The following SMARCD3 variants were observed in gnomAD, a reference collection of about 807,000 sequenced individuals.
SMARCD3 encodes SWI/SNF related BAF chromatin remodeling complex subunit D3.
A neutral mutation model predicts 58.0 loss-of-function variants in SMARCD3; 14 were observed. That is an observed-to-expected ratio of 0.24 (90% CI 0.16 to 0.38). SMARCD3 has a LOEUF of 0.38. Among genes scored for constraint, SMARCD3 ranks in the 10% least tolerant of loss-of-function variants. SMARCD3 has a pLI of 1.00. For synonymous variants in SMARCD3, 253 were observed against 253.8 expected, an observed-to-expected ratio of 1.00 and a Z score of 0.03; for missense variants, 408 against 636.9, an observed-to-expected ratio of 0.64 and a Z score of 3.87.
intron 2 of SMARCD3, among the ~76,000 whole-genome samples, chr7:151,274,464 G>T (rs908715763): frequency 1.3e-5 from 2 of 152,250 alleles, no homozygotes; most frequent in African/African-American, 4.8e-5. Context: ...CTACAAGCAA[G>T]CAATGGCCCA....
chr7:151,239,232 G>T lies in SMARCD3; in HGVS notation c.1399-76C>A, dbSNP rs982521170. 17 of 1,500,562 alleles carry T rather than the reference G, an allele frequency of 1.1e-5. No homozygotes were observed. The highest frequency in any genetic ancestry group is 1.5e-5 in the Non-Finnish European group (16 of 1,077,240). 93.0% of individuals were successfully genotyped at this position (1,500,562 alleles called of 1,614,324 possible). A position where few individuals can be genotyped will look rare whatever the true frequency, so the allele number is the denominator to read the frequency against. On this transcript the variant is annotated intron_variant, in intron 12 of 12. Coordinates refer to ENST00000262188, the MANE Select transcript of SMARCD3 (RefSeq NM_001003801.2). This position sits in a 1 kb window ranked among gnomAD's most constrained non-coding sequence, Gnocchi z 7.0. ...CAGGACAATCCCACCTACTGACACC[G>T]CCTGCCCTGAAAGAGCATCTGGGAG...
rs114657377 is a variant in SMARCD3, at chr7:151,265,476, G to A, written c.39+9638C>T. Among the ~76,000 whole-genome samples the A allele has an allele frequency of 9.0e-3, 1,371 of 152,334 alleles. 20 individuals carry two copies. The highest frequency in any genetic ancestry group is 0.031 in the African/African-American group (1,300 of 41,580). On this transcript the variant is annotated intron_variant, in intron 2 of 13. Transcript: ENST00000356800. Reference sequence around the variant, plus strand: ...CTGTTGTTTAAGCTGCCAGGTCTGCGGTCCTTTGTTGGGGTGGCCCTAGTG... The same window carrying A: ...CTGTTGTTTAAGCTGCCAGGTCTGCAGTCCTTTGTTGGGGTGGCCCTAGTG...
At chr7:151,259,832 A>T (rs559519091) in intron 2 of SMARCD3, among the ~76,000 whole-genome samples, 2 of 149,118 alleles carry the variant, frequency 1.3e-5, no homozygotes, top group East Asian at 2.0e-4. Context: ...CTGGTTTTGA[A>T]CTCCTGACCT....
In SMARCD3 at chr7:151,245,937, G is replaced by A. The variant is rs1803239468; in HGVS notation, c.79-266C>T. On this transcript the variant is annotated intron_variant, in intron 1 of 12. Coordinates refer to ENST00000262188, the MANE Select transcript of SMARCD3 (RefSeq NM_001003801.2). This position sits in a 1 kb window ranked among gnomAD's most constrained non-coding sequence, Gnocchi z 6.2. ...AGGGCATTGCGAGCCTCGGGGCTGC[G>A]GAAGGTACCGCAAAAATGAATATTA... 2.9e-6 allele frequency: 1 copy of A among 346,442 alleles called. No homozygotes were observed. The allele number at this position is 346,442 out of a possible 1,614,324, so 21.5% of individuals were successfully genotyped here. A position where few individuals can be genotyped will look rare whatever the true frequency, so the allele number is the denominator to read the frequency against.
rs1175730798 is a variant in SMARCD3, at chr7:151,241,510, C to T, written c.921G>A (p.Gly307=). Residue 307 remains glycine (G), a synonymous_variant, in exon 8 of 13, where the codon GGG becomes GGA. Transcript: ENST00000262188. The surrounding 1 kb of genome is among the most constrained non-coding windows in gnomAD (Gnocchi z 5.3). ...QDSHDKEYIN[G]DKYFQQIFDC... The stretch of plus-strand genomic sequence containing the variant: ...AGGTTACCTGCTGGAAATACTTGTC[C>T]CCATTGATGTATTCCTTGTCATGGG... 2.5e-6 allele frequency: 4 copies of T among 1,612,414 alleles called. No homozygotes were observed. Among genetic ancestry groups the T allele is most frequent in the Non-Finnish European group, 3.4e-6 (4 of 1,179,338 alleles).
rs1563647574 is a variant in SMARCD3, at chr7:151,241,430, T to G, written c.939+62A>C. On this transcript the variant is annotated intron_variant, in intron 8 of 12. Coordinates refer to ENST00000262188, the MANE Select transcript of SMARCD3 (RefSeq NM_001003801.2). The surrounding 1 kb of genome is among the most constrained non-coding windows in gnomAD (Gnocchi z 5.3). ...GGGGTGGTAGTTACCTTGGTAGAGG[T>G]ACTTCCCCTGCTGGAGAACTCCGCC... The G allele has an allele frequency of 7.0e-7, 1 of 1,420,410 alleles. No homozygotes were observed. 88.0% of individuals were successfully genotyped at this position (1,420,410 alleles called of 1,614,324 possible).
Position 151,239,873 on chromosome 7 carries a change from G to T in SMARCD3, c.1174-127C>A. On this transcript the variant is annotated intron_variant, in intron 10 of 12. Transcript: ENST00000262188. This position sits in a 1 kb window ranked among gnomAD's most constrained non-coding sequence, Gnocchi z 7.0. ...TGAAGGACAACCCCTCAGAGCCCCT[G>T]ATTTCTCTGAAGTCCCAGGGGAGGA... The T allele has an allele frequency of 9.3e-7, 1 of 1,080,858 alleles. No individual in the cohort carries two copies. The highest frequency in any genetic ancestry group is 1.3e-6 in the Non-Finnish European group (1 of 747,604). The allele number at this position is 1,080,858 out of a possible 1,614,324, so 67.0% of individuals were successfully genotyped here. A position where few individuals can be genotyped will look rare whatever the true frequency, so the allele number is the denominator to read the frequency against.
intron 2 of SMARCD3, among the ~76,000 whole-genome samples, chr7:151,259,619 T>TG (rs58317884): frequency 2.2e-5 from 3 of 137,542 alleles, no homozygotes; most frequent in Non-Finnish European, 3.1e-5. Context: ...TTTTTTTTTT[T>TG]TTTTTTTGAG....
chr7:151,253,462 G>A (rs1368718007), upstream of SMARCD3, among the ~76,000 whole-genome samples: 2 of 152,200 alleles, frequency 1.3e-5, no homozygotes, highest in Non-Finnish European at 2.9e-5. Flanking sequence ...GCATGCGAAG[G>A]TTAGTGGAAT....
chr7:151,253,694 A>G (rs1382985178), upstream of SMARCD3, among the ~76,000 whole-genome samples: 1 of 152,150 alleles, frequency 6.6e-6, no homozygotes, highest in Non-Finnish European at 1.5e-5. Flanking sequence ...CGCTTGTAGC[A>G]GGTCACACAC....
At chr7:151,275,197 G>C (rs1170241710) in exon 2 of SMARCD3, 1 of 1,584,970 alleles carries the variant, frequency 6.3e-7, no homozygotes, top group Admixed American at 1.7e-5. Context: ...GTGCCCCCTC[G>C]GTGCCTGGGC....
At chr7:151,269,309 A>G (rs780753234) in intron 2 of SMARCD3, among the ~76,000 whole-genome samples, 4 of 152,054 alleles carry the variant, frequency 2.6e-5, no homozygotes, top group Non-Finnish European at 5.9e-5. Context: ...CACGGGGGAC[A>G]CCTTCCGACC....
In SMARCD3 at chr7:151,245,907, C is replaced by A. The variant is rs1803237781; in HGVS notation, c.79-236G>T. 2.7e-6 allele frequency: 1 copy of A among 369,576 alleles called. No homozygotes were observed. 22.9% of individuals were successfully genotyped at this position (369,576 alleles called of 1,614,324 possible). On this transcript the variant is annotated intron_variant, in intron 1 of 12. Transcript: ENST00000262188. This position sits in a 1 kb window ranked among gnomAD's most constrained non-coding sequence, Gnocchi z 6.2. Reference sequence around the variant, plus strand: ...CAGGAAGCTAACTGAAGCCAGGCACCGCACAGGGCATTGCGAGCCTCGGGG... The same window carrying A: ...CAGGAAGCTAACTGAAGCCAGGCACAGCACAGGGCATTGCGAGCCTCGGGG...
At chr7:151,251,044 C>A (rs1415361045), upstream of SMARCD3, among the ~76,000 whole-genome samples, 1 of 151,928 alleles carries the variant, frequency 6.6e-6, no homozygotes, top group Non-Finnish European at 1.5e-5. Context: ...ATTGGAGAGA[C>A]CTTTTGGGAA....
At chr7:151,268,502 T>C (rs1426880781) in intron 2 of SMARCD3, among the ~76,000 whole-genome samples, 2 of 152,020 alleles carry the variant, frequency 1.3e-5, no homozygotes, top group Non-Finnish European at 2.9e-5. Flanking sequence ...GCCTCAGTGC[T>C]GGGGGCAAAA....
intron 2 of SMARCD3, among the ~76,000 whole-genome samples, chr7:151,263,352 G>A (rs1362347269): frequency 1.3e-5 from 2 of 152,086 alleles, no homozygotes; most frequent in East Asian, 3.9e-4. Flanking sequence ...CAGCTGGGGA[G>A]GTTGGGGAGA....
upstream of SMARCD3, chr7:151,248,757 G>A: frequency 2.7e-6 from 2 of 731,836 alleles, no homozygotes; most frequent in Non-Finnish European, 3.5e-6. The surrounding 1 kb of genome is among the most constrained non-coding windows in gnomAD (Gnocchi z 6.1). Flanking sequence ...CCGCCCGCCC[G>A]CCGCCGCCGC....
chr7:151,245,220 G>A lies in SMARCD3; in HGVS notation c.290+240C>T, dbSNP rs1245081274. 2.0e-5 allele frequency among the ~76,000 whole-genome samples: 2 copies of A among 102,152 alleles called. No individual in the cohort carries two copies. Among genetic ancestry groups the A allele is most frequent in the African/African-American group, 8.0e-5 (2 of 25,144 alleles). 67.0% of individuals were successfully genotyped at this position (102,152 alleles called of 152,430 possible). A position where few individuals can be genotyped will look rare whatever the true frequency, so the allele number is the denominator to read the frequency against. ...TGACAAGGAGAAGGGTGAGGGGAGC[G>A]TGCAGGGAAGCGGTACCGGCTGCCG... On this transcript the variant is annotated intron_variant, in intron 2 of 12. Coordinates refer to ENST00000262188, the MANE Select transcript of SMARCD3 (RefSeq NM_001003801.2). The surrounding 1 kb of genome is among the most constrained non-coding windows in gnomAD (Gnocchi z 6.2).
chr7:151,240,009 T>A, intron 10 of SMARCD3, 103 bp downstream of exon 10: 1 of 1,177,306 alleles, frequency 8.5e-7, no homozygotes, highest in Non-Finnish European at 1.2e-6. Context: ...TTTTTTTTAA[T>A]TTAACCCAGA....
Sources: allele counts gnomAD v4.1 joint callset (sites outside exome capture counted in the v4.1 genomes callset), GRCh38; gene constraint gnomAD v4.1.1; non-coding constraint Gnocchi (gnomAD v3.1); transcripts MANE v1.5; gene names NCBI Gene and HGNC (gene_info 2026-07-23, HGNC 2026-07-21).